The following NES variants were observed in gnomAD, a reference collection of about 807,000 sequenced individuals.
NES encodes nestin.
NES carries 27 observed loss-of-function variants against 35.6 expected under a neutral mutation model. The observed-to-expected ratio is 0.76, with a 90% CI of 0.56 to 1.04. The LOEUF (loss-of-function observed/expected upper bound fraction) is 1.04. Among genes scored for constraint, NES ranks in the 50% least tolerant of loss-of-function variants. The pLI is 0.00. For missense variants in NES, 1,867 were observed against 1,983.6 expected (o/e 0.94, Z 1.12); for synonymous variants, 822 against 824.2 (o/e 1.00, Z 0.04).
chr1:156,669,932 C>T lies in NES; in HGVS notation c.4256G>A (p.Gly1419Glu), dbSNP rs867692863. 1 of 1,613,360 alleles carries T rather than the reference C, an allele frequency of 6.2e-7. No homozygotes were observed. The highest frequency in any genetic ancestry group is 1.3e-5 in the African/African-American group (1 of 75,002). Residue 1419 changes from glycine (G) to glutamate (E), a missense_variant, in exon 4 of 4, where the codon GGG (glycine) becomes GAG (glutamate). Transcript: ENST00000368223. ...CTCCTGATCCTCCTCTCCCTCCTCC[C>T]CACTTTCTTCCTCATCTGCAAACCC... ...SDGFADEEES[G>E]EEGEEDQEEG...
At chr1:156,673,641 C>T in intron 2 of NES, 114 bp from the exon 3 acceptor site, 1 of 653,812 alleles carries the variant, frequency 1.5e-6, no homozygotes, top group Non-Finnish European at 2.6e-6. Flanking sequence ...TGCAGGCTTC[C>T]TCTTCATTTG....
chr1:156,677,154 G>A lies in NES; in HGVS notation c.111C>T (p.Ser37=), dbSNP rs372799542. 5.6e-6 allele frequency: 9 copies of A among 1,611,352 alleles called. No homozygotes were observed. In the African/African-American group the frequency reaches 8.0e-5, roughly 14 times the overall value. The change falls in exon 1 of 4, where the codon AGC becomes AGT. Residue 37 remains serine, a synonymous_variant. Transcript: ENST00000368223. The surrounding 1 kb of genome is among the most constrained non-coding windows in gnomAD (Gnocchi z 4.5). ...GTGCCCGGAGCCCCCCGAGCTCCGCGCTGAGCAGCTCATTCTGCTCCTCCA... is the reference window on the plus strand; with the variant it reads ...GTGCCCGGAGCCCCCCGAGCTCCGCACTGAGCAGCTCATTCTGCTCCTCCA... The part of the protein sequence containing the change: ...KALEEQNELL[S]AELGGLRAQS...
Position 156,677,273 on chromosome 1 carries a change from T to G in NES, c.-9A>C. On this transcript the variant is annotated 5_prime_UTR_variant, in exon 1 of 4. Coordinates refer to ENST00000368223, the MANE Select transcript of NES (RefSeq NM_006617.2). The surrounding 1 kb of genome is among the most constrained non-coding windows in gnomAD (Gnocchi z 4.5). ...CCCATGCAGCCCTCCATCCTGCTCG[T>G]CTGACCCACTGAGGATGGACAGACG... 1 of 1,607,374 alleles carries G rather than the reference T, an allele frequency of 6.2e-7. No homozygotes were observed. Among genetic ancestry groups the G allele is most frequent in the Non-Finnish European group, 8.5e-7 (1 of 1,178,170 alleles).
rs944578087 is a variant in NES at position 156,669,405 on chromosome 1, G to A, written c.4783C>T (p.Pro1595Ser). 3 of 1,611,772 alleles carry A rather than the reference G, an allele frequency of 1.9e-6. No homozygotes were observed. Among genetic ancestry groups the A allele is most frequent in the Non-Finnish European group, 2.5e-6 (3 of 1,178,462 alleles). The change falls in exon 4 of 4, where the codon CCT becomes TCT. Residue 1595 changes from proline to serine, a missense_variant. Transcript: ENST00000368223. ...AACTGACCCTGGCCCAGGTGAACAG[G>A]AGCCCCTGCCCAAGAGGTCTTCAGA... Reference protein sequence around the residue: ...SALKTSWAGAPVHLGQGQFLK... With the variant: ...SALKTSWAGASVHLGQGQFLK...
chr1:156,671,244 G>C lies in NES; in HGVS notation c.2944C>G (p.Leu982Val). 6.2e-7 allele frequency: 1 copy of C among 1,614,122 alleles called. No homozygotes were observed. Among genetic ancestry groups the C allele is most frequent in the East Asian group, 2.2e-5 (1 of 44,886 alleles). Residue 982 changes from leucine to valine, a missense_variant, in exon 4 of 4, where the codon CTG becomes GTG. Physicochemically the swap from Leu to Val is conservative, Grantham distance 32. Transcript: ENST00000368223. ...CCAGTGAAGCCATCCTGCTCCCTCA[G>C]ATTCAGCTCTGCCTCATCCTCATTT... is the stretch of plus-strand genomic sequence containing the variant. ...VENEDEAELNLREQDGFTGKE... is the reference protein window; with the variant it reads ...VENEDEAELNVREQDGFTGKE...
Position 156,671,468 on chromosome 1 carries a change from T to C in NES, c.2720A>G (p.Glu907Gly). The C allele has an allele frequency of 6.2e-7, 1 of 1,614,014 alleles. No homozygotes were observed. Among genetic ancestry groups the C allele is most frequent in the Middle Eastern group, 1.6e-4 (1 of 6,062 alleles). The change falls in exon 4 of 4, where the codon GAG (glutamate) becomes GGG (glycine). Residue 907 changes from glutamate to glycine, a missense_variant. Glu to Gly is a moderately conservative substitution (Grantham distance 98). Coordinates refer to ENST00000368223, the MANE Select transcript of NES (RefSeq NM_006617.2). ...CCTTTGACTTTCCTTGTCTACCTCC[T>C]CTGGAGATCTCAAATTCTCCAGGTT... The part of the protein sequence containing the change: ...AWNLENLRSP[E>G]EVDKESQRNL...
rs765185438 is a variant in NES at position 156,671,262 on chromosome 1, C to T, written c.2926G>A (p.Asp976Asn). ...PPGMAGVENE[D>N]EAELNLREQD... ...TCCCTCAGATTCAGCTCTGCCTCATCCTCATTTTCCACTCCAGCCATCCCA... is the reference window on the plus strand; with the variant it reads ...TCCCTCAGATTCAGCTCTGCCTCATTCTCATTTTCCACTCCAGCCATCCCA... Residue 976 changes from aspartate (D) to asparagine (N), a missense_variant, in exon 4 of 4, where the codon GAT becomes AAT. Coordinates refer to ENST00000368223, the MANE Select transcript of NES (RefSeq NM_006617.2). 6 of 1,614,180 alleles carry T rather than the reference C, an allele frequency of 3.7e-6. No homozygotes were observed. In the East Asian group the frequency reaches 1.3e-4, roughly 36 times the overall value.
In NES at chr1:156,673,482, AC is replaced by A. The variant is rs1367680398; in HGVS notation, c.953del (p.Gly318ValfsTer34). On this transcript the variant is annotated frameshift_variant, in exon 3 of 4. Coordinates refer to ENST00000368223, the MANE Select transcript of NES (RefSeq NM_006617.2). LOFTEE classifies it low-confidence loss of function (END_TRUNC). ...GAAAGCTGAGGGAAGTCTTGGAGCC[AC>A]CGCCAGGTGTTTGCAGCCGGGAGTT... ...AENSRLQTPG[G>X]GSKTSLSFQD... 1.9e-6 allele frequency: 3 copies of A among 1,613,160 alleles called. No individual in the cohort carries two copies. Among genetic ancestry groups the A allele is most frequent in the Non-Finnish European group, 2.5e-6 (3 of 1,179,456 alleles).
At chr1:156,673,760 A>G (rs1679784312) in intron 2 of NES, among the ~76,000 whole-genome samples, 1 of 152,196 alleles carries the variant, frequency 6.6e-6, no homozygotes, top group Non-Finnish European at 1.5e-5. Flanking sequence ...TACACAGCAG[A>G]GCTCAGACAT....
chr1:156,669,239 G>T lies in NES; in HGVS notation c.*83C>A, dbSNP rs1376372177. The stretch of plus-strand genomic sequence containing the variant: ...CAAGAGATCGTAAGTTAAGAGTGCT[G>T]CTCCTGAGCAGGGAGCGGGCTTGGA... On this transcript the variant is annotated 3_prime_UTR_variant, in exon 4 of 4. Transcript: ENST00000368223. 1.5e-5 allele frequency: 14 copies of T among 919,234 alleles called. No homozygotes were observed. The East Asian group carries it at 3.2e-4, about 21-fold the overall frequency. The allele number at this position is 919,234 out of a possible 1,614,324, so 56.9% of individuals were successfully genotyped here. A position where few individuals can be genotyped will look rare whatever the true frequency, so the allele number is the denominator to read the frequency against.
Position 156,672,786 on chromosome 1 carries a change from G to A in NES, c.1402C>T (p.Pro468Ser), listed in dbSNP as rs778924199. Reference protein sequence around the residue: ...QSPEDHASLAPPLSPDHSSLE... With the variant: ...QSPEDHASLASPLSPDHSSLE... Reference sequence around the variant, plus strand: ...CTGGAGTGGTCAGGGCTGAGGGGTGGTGCCAAGGAGGCATGGTCCTCTGGG... The same window carrying A: ...CTGGAGTGGTCAGGGCTGAGGGGTGATGCCAAGGAGGCATGGTCCTCTGGG... The change falls in exon 4 of 4, where the codon CCA becomes TCA. Residue 468 changes from proline to serine, a missense_variant. Coordinates refer to ENST00000368223, the MANE Select transcript of NES (RefSeq NM_006617.2). The A allele has an allele frequency of 6.2e-7, 1 of 1,613,562 alleles. No individual in the cohort carries two copies. Among genetic ancestry groups the A allele is most frequent in the Non-Finnish European group, 8.5e-7 (1 of 1,180,034 alleles).
rs1392161242 is a variant in NES, at chr1:156,671,801, G to T, written c.2387C>A (p.Ala796Asp). The T allele has an allele frequency of 1.2e-6, 2 of 1,614,062 alleles. No homozygotes were observed. The highest frequency in any genetic ancestry group is 2.2e-5 in the East Asian group (1 of 44,876). ...TTGATTCTCATTTTCAAGAGGTCTAGCTATCTCCTGGTCAAGAGACTTCAG... is the reference window on the plus strand; with the variant it reads ...TTGATTCTCATTTTCAAGAGGTCTATCTATCTCCTGGTCAAGAGACTTCAG... ...EPLKSLDQEI[A>D]RPLENENQEF... Residue 796 changes from alanine to aspartate, a missense_variant, in exon 4 of 4, where the codon GCT becomes GAT. Ala to Asp is a moderately radical substitution (Grantham distance 126). Coordinates refer to ENST00000368223, the MANE Select transcript of NES (RefSeq NM_006617.2).
At position 156,669,958 on chromosome 1, in the gene NES, A is replaced by C. The variant is rs771205353; in HGVS notation, c.4230T>G (p.Asp1410Glu). 1 of 1,602,960 alleles carries C rather than the reference A, an allele frequency of 6.2e-7. No individual in the cohort carries two copies. The highest frequency in any genetic ancestry group is 1.4e-5 in the African/African-American group (1 of 70,504). The change falls in exon 4 of 4, where the codon GAT (aspartate) becomes GAG (glutamate). Residue 1410 changes from aspartate to glutamate, a missense_variant. By Grantham distance (45) the Asp-to-Glu change is conservative. Transcript: ENST00000368223. ...PAAWDRDGES[D>E]GFADEEESGE... ...CACTTTCTTCCTCATCTGCAAACCCATCGGACTCCCCATCTCGATCCCAGG... is the reference window on the plus strand; with the variant it reads ...CACTTTCTTCCTCATCTGCAAACCCCTCGGACTCCCCATCTCGATCCCAGG...
rs773884206 is a variant in NES at position 156,669,279 on chromosome 1, C to G, written c.*43G>C. 7 of 1,431,240 alleles carry G rather than the reference C, an allele frequency of 4.9e-6. No homozygotes were observed. The highest frequency in any genetic ancestry group is 6.6e-6 in the Non-Finnish European group (7 of 1,061,584). 88.7% of individuals were successfully genotyped at this position (1,431,240 alleles called of 1,614,324 possible). A position where few individuals can be genotyped will look rare whatever the true frequency, so the allele number is the denominator to read the frequency against. On this transcript the variant is annotated 3_prime_UTR_variant, in exon 4 of 4. Coordinates refer to ENST00000368223, the MANE Select transcript of NES (RefSeq NM_006617.2). Reference sequence around the variant, plus strand: ...GCGGGCTTGGAGGCGTCCTTCCCCTCCCCGCACCCCTAAGTCCCCAGTGCC... The same window carrying G: ...GCGGGCTTGGAGGCGTCCTTCCCCTGCCCGCACCCCTAAGTCCCCAGTGCC...
Position 156,670,708 on chromosome 1 carries a change from C to T in NES, c.3480G>A (p.Lys1160=), listed in dbSNP as rs1387833488. Residue 1160 remains lysine (K), a synonymous_variant, in exon 4 of 4, where the codon AAG becomes AAA. Coordinates refer to ENST00000368223, the MANE Select transcript of NES (RefSeq NM_006617.2). The stretch of plus-strand genomic sequence containing the variant: ...TGGGAGGCTCCCAAGGGTCTCTGCT[C>T]TTCCCAGGCAGCTCGGAGAACTCTG... ...LGTEFSELPG[K]SRDPWEPPRE... is the part of the protein sequence containing the mutation. 5 of 1,614,068 alleles carry T rather than the reference C, an allele frequency of 3.1e-6. No homozygotes were observed. In the African/African-American group the frequency reaches 4.0e-5, roughly 13 times the overall value.
At chr1:156,675,396 A>G (rs1647245866) in intron 1 of NES, 56 bp from the exon 2 acceptor site, 5 of 1,537,776 alleles carry the variant, frequency 3.3e-6, no homozygotes. Context: ...TCTGTGAACC[A>G]ACCTGCCTCC....
In NES at chr1:156,669,167, C is replaced by T; in HGVS notation, c.*155G>A. 1.9e-6 allele frequency: 1 copy of T among 515,702 alleles called. No individual in the cohort carries two copies. The highest frequency in any genetic ancestry group is 4.5e-5 in the South Asian group (1 of 22,274). 31.9% of individuals were successfully genotyped at this position (515,702 alleles called of 1,614,324 possible). ...CTTGGAGTAGGCTCCTTTGCCACAC[C>T]CCTTTTCACCTTAGCGGGCCAGGCC... On this transcript the variant is annotated 3_prime_UTR_variant, in exon 4 of 4. Transcript: ENST00000368223.
rs1478784451 is a variant in NES at position 156,677,153 on chromosome 1, C to A, written c.112G>T (p.Ala38Ser). The A allele has an allele frequency of 1.2e-6, 2 of 1,611,444 alleles. No homozygotes were observed. Among genetic ancestry groups the A allele is most frequent in the Non-Finnish European group, 1.7e-6 (2 of 1,179,394 alleles). The change falls in exon 1 of 4, where the codon GCG becomes TCG. Residue 38 changes from alanine to serine, a missense_variant. Physicochemically the swap from Ala to Ser is moderately conservative, Grantham distance 99. Coordinates refer to ENST00000368223, the MANE Select transcript of NES (RefSeq NM_006617.2). This position sits in a 1 kb window ranked among gnomAD's most constrained non-coding sequence, Gnocchi z 4.5. ...TGTGCCCGGAGCCCCCCGAGCTCCG[C>A]GCTGAGCAGCTCATTCTGCTCCTCC... Reference protein sequence around the residue: ...ALEEQNELLSAELGGLRAQSA... With the variant: ...ALEEQNELLSSELGGLRAQSA...
At chr1:156,673,278 G>T in intron 3 of NES, 73 bp from the exon 4 acceptor site, 1 of 1,338,730 alleles carries the variant, frequency 7.5e-7, no homozygotes, top group Non-Finnish European at 1.0e-6. Context: ...AGCAGCCACC[G>T]CTGGCAAGAG....
Sources: gnomAD v4.1 joint callset for allele counts (sites outside exome capture counted in the v4.1 genomes callset) on GRCh38, gnomAD v4.1.1 for gene constraint, Gnocchi (gnomAD v3.1) non-coding constraint, MANE v1.5 for transcripts, NCBI Gene and HGNC (gene_info 2026-07-23, HGNC 2026-07-21) for gene names.